The following KIAA0232 variants were observed in gnomAD, a reference collection of about 807,000 sequenced individuals.
The protein encoded by KIAA0232 is uncharacterized protein KIAA0232.
KIAA0232 carries 27 observed loss-of-function variants against 122.0 expected under a neutral mutation model. The ratio of observed to expected loss-of-function variants is 0.22; its 90% CI spans 0.16 to 0.31. The LOEUF is 0.31. Ranked by LOEUF, KIAA0232 falls within the 10% of genes least tolerant of loss-of-function variation. The pLI, the probability that KIAA0232 is intolerant of heterozygous loss-of-function variation, is 1.00. For missense variants in KIAA0232, 1,551 were observed against 1,634.2 expected (o/e 0.95, Z 0.88); for synonymous variants, 613 against 587.6 (o/e 1.04, Z -0.63).
At chr4:6,844,361 A>G (rs915240919) in intron 4 of KIAA0232, among the ~76,000 whole-genome samples, 1 of 151,822 alleles carries the variant, frequency 6.6e-6, no homozygotes, top group East Asian at 1.9e-4. Flanking sequence ...CTTTCATCCA[A>G]TTATTTTTTC....
At chr4:6,847,725 G>A (rs1045921643) in intron 4 of KIAA0232, among the ~76,000 whole-genome samples, 8 of 152,090 alleles carry the variant, frequency 5.3e-5, no homozygotes, top group Non-Finnish European at 8.8e-5. Context: ...TCAGCCATAG[G>A]CAATTCAGCC....
rs188643405 is a variant in KIAA0232, at chr4:6,788,119, A to C, written c.-354+5278A>C. ...AGCGGTGCCATCTTGGCTCACTGCA[A>C]CTTCCACCTCCCTTCCTCCTGCTGC... On this transcript the variant is annotated intron_variant, in intron 1 of 9. Transcript: ENST00000307659. Among the ~76,000 whole-genome samples, 5 of 152,166 alleles carry C rather than the reference A, an allele frequency of 3.3e-5. No homozygotes were observed. The East Asian group carries it at 9.7e-4, about 29-fold the overall frequency.
intron 7 of KIAA0232, among the ~76,000 whole-genome samples, chr4:6,870,266 A>T (rs1354104088): frequency 1.4e-4 from 21 of 152,194 alleles, no homozygotes. Context: ...CCCACTGGGA[A>T]AGGACAGAGC....
chr4:6,843,179 T>C (rs1719756544), intron 4 of KIAA0232, among the ~76,000 whole-genome samples: 1 of 152,230 alleles, frequency 6.6e-6, no homozygotes, highest in African/African-American at 2.4e-5. Context: ...TATTTTATTA[T>C]TCACTCTAAG....
At chr4:6,838,661 A>T (rs966005946) in intron 3 of KIAA0232, among the ~76,000 whole-genome samples, 1 of 151,484 alleles carries the variant, frequency 6.6e-6, no homozygotes, top group African/African-American at 2.4e-5. Context: ...ATATATGCCA[A>T]CTGTTGACAG....
intron 1 of KIAA0232, among the ~76,000 whole-genome samples, chr4:6,801,324 A>G (rs570249668): frequency 6.6e-6 from 1 of 152,340 alleles, no homozygotes; most frequent in East Asian, 1.9e-4. Flanking sequence ...GCAGTTCTAG[A>G]GATTCATTTC....
intron 4 of KIAA0232, among the ~76,000 whole-genome samples, chr4:6,847,202 C>T (rs547365477): frequency 1.9e-4 from 29 of 152,184 alleles, no homozygotes; most frequent in African/African-American, 4.3e-4. Flanking sequence ...TGTGACCATG[C>T]GTGTATGTGA....
At chr4:6,859,213 A>G (rs539143235) in intron 6 of KIAA0232, among the ~76,000 whole-genome samples, 1 of 152,010 alleles carries the variant, frequency 6.6e-6, no homozygotes, top group South Asian at 2.1e-4. Context: ...GCAATCCTTG[A>G]CCTGCCAAAC....
chr4:6,825,454 C>T (rs1718627965), intron 3 of KIAA0232, among the ~76,000 whole-genome samples: 1 of 152,028 alleles, frequency 6.6e-6, no homozygotes, highest in South Asian at 2.1e-4. Context: ...ACTCAGGAGG[C>T]TGAGGTGGGA....
At chr4:6,804,843 AT>A (rs1366355190) in intron 2 of KIAA0232, among the ~76,000 whole-genome samples, 1 of 152,196 alleles carries the variant, frequency 6.6e-6, no homozygotes, top group Non-Finnish European at 1.5e-5. Context: ...CCTTGCTTAT[AT>A]TAATAACTTG....
rs893134023 is a variant in KIAA0232 at position 6,855,238 on chromosome 4, C to T, written c.370-1926C>T. Among the ~76,000 whole-genome samples, 2 of 152,026 alleles carry T rather than the reference C, an allele frequency of 1.3e-5. No homozygotes were observed. Among genetic ancestry groups the T allele is most frequent in the Non-Finnish European group, 2.9e-5 (2 of 68,020 alleles). On this transcript the variant is annotated intron_variant, in intron 4 of 9. Coordinates refer to ENST00000307659, the MANE Select transcript of KIAA0232 (RefSeq NM_014743.3). This position sits in a 1 kb window ranked among gnomAD's most constrained non-coding sequence, Gnocchi z 4.3. ...TAGCTAAGATTACAGGTGCCTGCCA[C>T]CACGCCCAGCTAATTTTTTTTGTAT...
rs1355586514 is a variant in KIAA0232 at position 6,801,244 on chromosome 4, T to C, written c.-353-3279T>C. On this transcript the variant is annotated intron_variant, in intron 1 of 9. Coordinates refer to ENST00000307659, the MANE Select transcript of KIAA0232 (RefSeq NM_014743.3). ...CTTGTGCCATTAAAGAACTGAATTT[T>C]CAATTTTATTTAATTTTAATTAATT... Among the ~76,000 whole-genome samples, 5 of 152,236 alleles carry C rather than the reference T, an allele frequency of 3.3e-5. No individual in the cohort carries two copies. The East Asian group carries it at 5.8e-4, about 18-fold the overall frequency.
chr4:6,878,952 A>G lies in KIAA0232; in HGVS notation c.4009-1835A>G, dbSNP rs549243667. 1.6e-4 allele frequency among the ~76,000 whole-genome samples: 25 copies of G among 152,216 alleles called. No individual in the cohort carries two copies. The South Asian group carries it at 3.7e-3, about 23-fold the overall frequency. ...GCTCTCTCCTCAGTGACTAGTTCACATCATCCCTCCAGCCTCAAACCCCAA... is the reference window on the plus strand; with the variant it reads ...GCTCTCTCCTCAGTGACTAGTTCACGTCATCCCTCCAGCCTCAAACCCCAA... On this transcript the variant is annotated intron_variant, in intron 9 of 9. Coordinates refer to ENST00000307659, the MANE Select transcript of KIAA0232 (RefSeq NM_014743.3).
At chr4:6,814,893 T>A (rs1266648272) in intron 2 of KIAA0232, among the ~76,000 whole-genome samples, 1 of 152,138 alleles carries the variant, frequency 6.6e-6, no homozygotes, top group Non-Finnish European at 1.5e-5. Context: ...ATTTAAACTT[T>A]AAAGTAAAAA....
At chr4:6,788,265 G>T (rs570706186) in intron 1 of KIAA0232, among the ~76,000 whole-genome samples, 173 of 152,146 alleles carry the variant, frequency 1.1e-3, no homozygotes, top group African/African-American at 3.9e-3. Context: ...TAATCTGCCC[G>T]CCTTGGCCTC....
At chr4:6,842,873 G>A (rs377282567) in intron 4 of KIAA0232, among the ~76,000 whole-genome samples, 16 of 152,236 alleles carry the variant, frequency 1.1e-4, no homozygotes, top group African/African-American at 3.6e-4. Flanking sequence ...ATAGGCATGA[G>A]CCATCGCGCC....
At chr4:6,789,719 C>T (rs960490240) in intron 1 of KIAA0232, among the ~76,000 whole-genome samples, 15 of 152,122 alleles carry the variant, frequency 9.9e-5, no homozygotes, top group African/African-American at 3.6e-4. Context: ...AGGTTTTTTG[C>T]ATATGGCTTA....
intron 1 of KIAA0232, among the ~76,000 whole-genome samples, chr4:6,792,715 A>T (rs1451359048): frequency 7.3e-6 from 1 of 136,884 alleles, no homozygotes. Flanking sequence ...TTTGAGACAG[A>T]GTCTCACTCT....
chr4:6,828,652 T>C (rs959707412), intron 3 of KIAA0232, among the ~76,000 whole-genome samples: 4 of 152,246 alleles, frequency 2.6e-5, no homozygotes, highest in Admixed American at 6.5e-5. Flanking sequence ...AATTCTTTTC[T>C]CGCTATTTTG....
Sources: gnomAD v4.1 joint callset for allele counts (sites outside exome capture counted in the v4.1 genomes callset) on GRCh38, gnomAD v4.1.1 for gene constraint, Gnocchi (gnomAD v3.1) non-coding constraint, MANE v1.5 for transcripts, NCBI Gene and HGNC (gene_info 2026-07-23, HGNC 2026-07-21) for gene names.